Variants in SPMIP2 observed in about 807,000 individuals in gnomAD.
The protein encoded by SPMIP2 is sperm microtubule inner protein 2, also known as protein SPMIP2.
the SPMIP2 span, among the ~76,000 whole-genome samples, chr4:158,903,422 G>A: frequency 3.9e-5 from 6 of 152,210 alleles, no homozygotes; most frequent in African/African-American, 9.6e-5. Context: ...GTTCCTATTC[G>A]GCCGTCTTGC....
chr4:158,986,485 T>C, the SPMIP2 span, among the ~76,000 whole-genome samples: 48,619 of 151,732 alleles, frequency 0.32, 7,906 homozygotes, highest in South Asian at 0.36. Context: ...ACACCGCATA[T>C]CTACAGCTAT....
At chr4:158,897,941 G>A in the SPMIP2 span, among the ~76,000 whole-genome samples, 4 of 152,136 alleles carry the variant, frequency 2.6e-5, no homozygotes, top group East Asian at 7.7e-4. Flanking sequence ...GTATTGCCTA[G>A]GTTTTCTTCT....
chr4:158,907,593 T>G, the SPMIP2 span: 1 of 152,202 alleles, frequency 6.6e-6, no homozygotes, highest in Admixed American at 6.5e-5. Context: ...ATCCCAAAAT[T>G]CTTTTAAAGT....
the SPMIP2 span, among the ~76,000 whole-genome samples, chr4:159,072,637 G>A: frequency 1.3e-5 from 2 of 151,380 alleles, no homozygotes; most frequent in African/African-American, 4.9e-5. Flanking sequence ...TAATTTTTGT[G>A]TTTTTTGTAG....
chr4:158,983,058 T>C, the SPMIP2 span, among the ~76,000 whole-genome samples: 32 of 151,934 alleles, frequency 2.1e-4, no homozygotes, highest in Admixed American at 2.0e-3. Context: ...AGAAAGGGTA[T>C]CAGTGATGGA....
At chr4:158,994,016 C>T in the SPMIP2 span, among the ~76,000 whole-genome samples, 8 of 152,294 alleles carry the variant, frequency 5.3e-5, no homozygotes, top group Non-Finnish European at 7.4e-5. Context: ...ATTGTAAATG[C>T]TTCCTTCTAT....
chr4:158,950,932 G>A, the SPMIP2 span, among the ~76,000 whole-genome samples: 1 of 152,124 alleles, frequency 6.6e-6, no homozygotes, highest in Non-Finnish European at 1.5e-5. Context: ...GGGAGGGTCT[G>A]TGGGAATGTT....
chr4:159,034,506 T>G, the SPMIP2 span, among the ~76,000 whole-genome samples: 2 of 152,206 alleles, frequency 1.3e-5, no homozygotes, highest in African/African-American at 2.4e-5. Flanking sequence ...TCAGATATAG[T>G]GACAACTGCT....
At chr4:158,929,228 G>T in the SPMIP2 span, among the ~76,000 whole-genome samples, 1 of 152,194 alleles carries the variant, frequency 6.6e-6, no homozygotes, top group African/African-American at 2.4e-5. Context: ...CTATTGCCCA[G>T]GCTGGTCCCA....
At chr4:158,912,473 A>G in the SPMIP2 span, among the ~76,000 whole-genome samples, 1 of 152,332 alleles carries the variant, frequency 6.6e-6, no homozygotes, top group South Asian at 2.1e-4. Context: ...ACAAATTTCT[A>G]CTTAAGAGAC....
the SPMIP2 span, among the ~76,000 whole-genome samples, chr4:159,072,577 C>T: frequency 2.0e-5 from 3 of 150,974 alleles, no homozygotes; most frequent in South Asian, 4.2e-4. Context: ...ATTCTCCTGC[C>T]TCAGCTCCCC....
At chr4:158,994,471 A>C in the SPMIP2 span, among the ~76,000 whole-genome samples, 1 of 152,234 alleles carries the variant, frequency 6.6e-6, no homozygotes, top group African/African-American at 2.4e-5. Flanking sequence ...TATTTTTAAT[A>C]CTTAGAGGTA....
chr4:159,079,471 T>G, the SPMIP2 span, among the ~76,000 whole-genome samples: 1 of 152,158 alleles, frequency 6.6e-6, no homozygotes, highest in African/African-American at 2.4e-5. Context: ...AGAAATAAAT[T>G]TCTGTTTTTT....
chr4:159,030,198 A>G, the SPMIP2 span, among the ~76,000 whole-genome samples: 1 of 152,164 alleles, frequency 6.6e-6, no homozygotes, highest in South Asian at 2.1e-4. Flanking sequence ...AGATCTCTTG[A>G]GCCCAGGAGT....
the SPMIP2 span, chr4:158,973,347 A>G: frequency 7.7e-7 from 1 of 1,305,870 alleles, no homozygotes; most frequent in Admixed American, 2.1e-5. Flanking sequence ...ACTTCTCCAC[A>G]CTTTATTCTA....
chr4:158,945,212 C>G, the SPMIP2 span, among the ~76,000 whole-genome samples: 1 of 152,176 alleles, frequency 6.6e-6, no homozygotes, highest in African/African-American at 2.4e-5. Context: ...CCCTTCCTTT[C>G]CCACCTAACT....
At chr4:158,918,784 TA>T in the SPMIP2 span, among the ~76,000 whole-genome samples, 1 of 152,176 alleles carries the variant, frequency 6.6e-6, no homozygotes, top group Admixed American at 6.5e-5. Context: ...ACCCAAAGTC[TA>T]AAGAGACAAA....
the SPMIP2 span, chr4:158,973,121 A>T: frequency 6.2e-7 from 1 of 1,609,872 alleles, no homozygotes; most frequent in East Asian, 2.2e-5. Flanking sequence ...TGTTGATAAA[A>T]TTATACTGTG....
At chr4:159,001,561 C>G in the SPMIP2 span, among the ~76,000 whole-genome samples, 1 of 152,096 alleles carries the variant, frequency 6.6e-6, no homozygotes, top group Non-Finnish European at 1.5e-5. Context: ...GAGTTCTCAT[C>G]ATTTAGCTCC....
Sources: allele counts gnomAD v4.1 joint callset (sites outside exome capture counted in the v4.1 genomes callset), GRCh38; gene constraint gnomAD v4.1.1; transcripts MANE v1.5; gene names NCBI Gene and HGNC (gene_info 2026-07-23, HGNC 2026-07-21).